COL9A3: variants seen among roughly 807,000 people sequenced by gnomAD.
The protein encoded by COL9A3 is collagen type IX alpha 3 chain.
Under a neutral mutation model 110.2 loss-of-function variants are expected in COL9A3, and 82 were observed. The observed-to-expected ratio is 0.74, with a 90% CI of 0.62 to 0.89. The LOEUF (loss-of-function observed/expected upper bound fraction) is 0.89. Ranked by LOEUF, COL9A3 falls within the 40% of genes least tolerant of loss-of-function variation. COL9A3 has a pLI of 0.00. For missense variants in COL9A3, 1,066 were observed against 981.3 expected, an observed-to-expected ratio of 1.09 and a Z score of -1.15; for synonymous variants, 494 against 403.8, an observed-to-expected ratio of 1.22 and a Z score of -2.68.
At chr20:62,825,792 G>T in intron 12 of COL9A3, 25 bp from the exon 13 acceptor site, 2 of 1,551,218 alleles carry the variant, frequency 1.3e-6, no homozygotes, top group South Asian at 2.4e-5. Flanking sequence ...CTGGGCCGCT[G>T]ACCACCCTAT....
At chr20:62,835,365 GAA>G (rs1290222130) in intron 26 of COL9A3, among the ~76,000 whole-genome samples, 1 of 152,238 alleles carries the variant, frequency 6.6e-6, no homozygotes, top group Non-Finnish European at 1.5e-5. Flanking sequence ...GCCAGAGAGA[GAA>G]AGGGGCCCAA....
chr20:62,826,473 C>CCT (rs2063553786), intron 14 of COL9A3, among the ~76,000 whole-genome samples: 1 of 152,174 alleles, frequency 6.6e-6, no homozygotes, highest in Non-Finnish European at 1.5e-5. Context: ...TGCCCGCACG[C>CCT]GGTCCCAGGC....
At chr20:62,833,772 A>G (rs1600807420) in intron 26 of COL9A3, among the ~76,000 whole-genome samples, 1 of 151,416 alleles carries the variant, frequency 6.6e-6, no homozygotes, top group Admixed American at 6.6e-5. Context: ...ATCTCGGTTC[A>G]CTGCAGCCTC....
intron 29 of COL9A3, 165 bp from the exon 30 acceptor site, chr20:62,836,917 TC>T (rs2063641109): frequency 1.0e-6 from 1 of 959,560 alleles, no homozygotes; most frequent in Non-Finnish European, 1.7e-6. Context: ...GGGGGTCCTT[TC>T]TAGCTCCAGC....
intron 22 of COL9A3, 32 bp downstream of exon 22, chr20:62,829,851 G>A: frequency 6.5e-7 from 1 of 1,544,416 alleles, no homozygotes; most frequent in Non-Finnish European, 8.7e-7. Flanking sequence ...GGGGTCGGGG[G>A]TTAGCACTGA....
intron 19 of COL9A3, 65 bp from the exon 20 acceptor site, chr20:62,829,376 GCCTGCGTGCACGCC>G (rs1385803176): frequency 6.3e-7 from 1 of 1,587,004 alleles, no homozygotes; most frequent in East Asian, 2.3e-5. Context: ...CCTGCACCCT[GCCTGCGTGCACGCC>G]CCTGGGTGCT....
At position 62,840,523 on chromosome 20, in the gene COL9A3, C is replaced by G; in HGVS notation, c.1865-19C>G. 1 of 1,609,392 alleles carries G rather than the reference C, an allele frequency of 6.2e-7. No individual in the cohort carries two copies. Among genetic ancestry groups the G allele is most frequent in the Non-Finnish European group, 8.5e-7 (1 of 1,178,106 alleles). On this transcript the variant is annotated intron_variant, in intron 31 of 31. Transcript: ENST00000649368. Reference sequence around the variant, plus strand: ...CAGTCCGGGCTGCAGCTGAACTCACCTTTCTGCTCTGTCCCAAGGACCCCA... The same window carrying G: ...CAGTCCGGGCTGCAGCTGAACTCACGTTTCTGCTCTGTCCCAAGGACCCCA...
intron 12 of COL9A3, 134 bp from the exon 13 acceptor site, chr20:62,825,683 C>A: frequency 1.1e-6 from 1 of 900,394 alleles, no homozygotes; most frequent in Non-Finnish European, 1.8e-6. Context: ...GTCCCCTTCA[C>A]AGAGCCTCCA....
intron 14 of COL9A3, 26 bp from the exon 15 acceptor site, chr20:62,826,740 AC>A (rs1316181867): frequency 6.2e-7 from 1 of 1,611,434 alleles, no homozygotes; most frequent in Non-Finnish European, 8.5e-7. Flanking sequence ...AGACAAGAGG[AC>A]CCCGGATCCC....
At chr20:62,830,463 C>T (rs770158884) in intron 23 of COL9A3, 50 bp downstream of exon 23, 25 of 1,587,082 alleles carry the variant, frequency 1.6e-5, no homozygotes, top group Middle Eastern at 1.7e-4. Context: ...CACACCCAGA[C>T]GGGCCAGACC....
At chr20:62,826,078 G>T in intron 13 of COL9A3, 126 bp from the exon 14 acceptor site, 1 of 1,185,074 alleles carries the variant, frequency 8.4e-7, no homozygotes, top group East Asian at 2.6e-5. Flanking sequence ...TGGGGGACCT[G>T]AGCTGAGGCT....
Position 62,822,279 on chromosome 20 carries a change from A to C in COL9A3, c.477+115A>C. ...GCCCCTCCGAGATCTCCTAACCCTAACTTGGCCACTCCCAGGAACAGTCAA... is the reference window on the plus strand; with the variant it reads ...GCCCCTCCGAGATCTCCTAACCCTACCTTGGCCACTCCCAGGAACAGTCAA... On this transcript the variant is annotated intron_variant, in intron 9 of 31. Transcript: ENST00000649368. 5.2e-6 allele frequency: 4 copies of C among 770,060 alleles called. No homozygotes were observed. In the South Asian group the frequency reaches 5.6e-5, roughly 11 times the overall value. The allele number at this position is 770,060 out of a possible 1,614,324, so 47.7% of individuals were successfully genotyped here. A position where few individuals can be genotyped will look rare whatever the true frequency, so the allele number is the denominator to read the frequency against.
intron 26 of COL9A3, among the ~76,000 whole-genome samples, chr20:62,835,303 G>A (rs913647890): frequency 2.0e-5 from 3 of 152,192 alleles, no homozygotes; most frequent in African/African-American, 4.8e-5. Context: ...TCCATCGAGG[G>A]CCTCCCCACT....
chr20:62,821,293 C>G (rs1343149215), intron 6 of COL9A3, 77 bp downstream of exon 6: 1 of 1,467,846 alleles, frequency 6.8e-7, no homozygotes, highest in Non-Finnish European at 9.4e-7. Flanking sequence ...GGGGTGGCCT[C>G]CAGGAATCCC....
At position 62,838,718 on chromosome 20, in the gene COL9A3, A is replaced by C. The variant is rs751605504; in HGVS notation, c.1821A>C (p.Ala607=). 1.3e-6 allele frequency: 2 copies of C among 1,552,820 alleles called. No homozygotes were observed. Among genetic ancestry groups the C allele is most frequent in the Non-Finnish European group, 1.7e-6 (2 of 1,147,572 alleles). The part of the protein sequence containing the change: ...NQGDRGDKGA[A]GAGLDGPEGD... ...GTGACAGAGGAGACAAAGGCGCGGC[A>C]GGAGCAGGGCTGGACGGGCCTGAAG... The change falls in exon 31 of 32, where the codon GCA becomes GCC. Residue 607 remains alanine, a synonymous_variant. Coordinates refer to ENST00000649368, the MANE Select transcript of COL9A3 (RefSeq NM_001853.4).
At chr20:62,821,255 T>C in intron 6 of COL9A3, 39 bp downstream of exon 6, 5 of 1,604,178 alleles carry the variant, frequency 3.1e-6, no homozygotes, top group Non-Finnish European at 2.6e-6. Context: ...CCATGGGAGT[T>C]TGGGGAGCTG....
In COL9A3 at chr20:62,825,614, C is replaced by T. The variant is rs539544780; in HGVS notation, c.631-203C>T. On this transcript the variant is annotated intron_variant, in intron 12 of 31. Coordinates refer to ENST00000649368, the MANE Select transcript of COL9A3 (RefSeq NM_001853.4). ...TTGTGGGAACAGTGACCACGGACCC[C>T]GGCCCGGCAGGGCGAGGCCACCGAG... The T allele has an allele frequency of 3.2e-5, 20 of 632,320 alleles. No homozygotes were observed. The East Asian group carries it at 3.3e-4, about 10-fold the overall frequency. 39.2% of individuals were successfully genotyped at this position (632,320 alleles called of 1,614,324 possible).
chr20:62,836,277 C>G lies in COL9A3; in HGVS notation c.1492C>G (p.Leu498Val). ...GGGTGTCCCCGGGCCCCCCGGTCCT[C>G]TGGGCCTGCAGGGCGTCCCGGGTGT... ...VQGVPGPPGP[L>V]GLQGVPGVPG... The change falls in exon 28 of 32, where the codon CTG (leucine) becomes GTG (valine). Residue 498 changes from leucine (L) to valine (V), a missense_variant. Leu to Val is a conservative substitution (Grantham distance 32). Transcript: ENST00000649368. 6.2e-7 allele frequency: 1 copy of G among 1,613,902 alleles called. No homozygotes were observed. Among genetic ancestry groups the G allele is most frequent in the Non-Finnish European group, 8.5e-7 (1 of 1,180,020 alleles).
At position 62,829,020 on chromosome 20, in the gene COL9A3, C is replaced by T. The variant is rs73157303; in HGVS notation, c.1008+44C>T. On this transcript the variant is annotated intron_variant, in intron 19 of 31. Coordinates refer to ENST00000649368, the MANE Select transcript of COL9A3 (RefSeq NM_001853.4). ...GGGCCAGCCTGGGGCGCCACAGCTTCTGCCTGCTCAGTGGCCCATGTTGGG... is the reference window on the plus strand; with the variant it reads ...GGGCCAGCCTGGGGCGCCACAGCTTTTGCCTGCTCAGTGGCCCATGTTGGG... 0.15 allele frequency: 234,594 copies of T among 1,558,510 alleles called. 18,261 individuals carry two copies. The highest frequency in any genetic ancestry group is 0.16 in the Non-Finnish European group (180,017 of 1,155,994).
Sources: allele counts gnomAD v4.1 joint callset (sites outside exome capture counted in the v4.1 genomes callset), GRCh38; gene constraint gnomAD v4.1.1; transcripts MANE v1.5; gene names NCBI Gene and HGNC (gene_info 2026-07-23, HGNC 2026-07-21).